Variants in INTS7 observed in about 807,000 individuals in gnomAD.
INTS7 encodes integrator complex subunit 7, also known as chromosome 1 open reading frame 73.
Under a neutral mutation model 109.2 loss-of-function variants are expected in INTS7, and 46 were observed. That is an observed-to-expected ratio of 0.42 (90% CI 0.33 to 0.54). The LOEUF (loss-of-function observed/expected upper bound fraction) is 0.54. INTS7 is among the 20% of genes least tolerant of loss of function. INTS7 has a pLI of 0.07. For synonymous variants in INTS7, 412 were observed against 402.9 expected (o/e 1.02, Z -0.27); for missense variants, 929 against 1,132.4 (o/e 0.82, Z 2.58).
chr1:212,011,291 G>T (rs1000253235), intron 5 of INTS7, 84 bp downstream of exon 5: 1 of 707,568 alleles, frequency 1.4e-6, no homozygotes, highest in Non-Finnish European at 2.4e-6. Flanking sequence ...ATGGTGACTA[G>T]CAAATAATAA....
In INTS7 at chr1:212,004,829, T is replaced by G. The variant is rs182710740; in HGVS notation, c.879+1810A>C. 2.6e-5 allele frequency among the ~76,000 whole-genome samples: 4 copies of G among 152,310 alleles called. No individual in the cohort carries two copies. The East Asian group carries it at 7.7e-4, about 29-fold the overall frequency. On this transcript the variant is annotated intron_variant, in intron 7 of 19. Coordinates refer to ENST00000366994, the MANE Select transcript of INTS7 (RefSeq NM_015434.4). ...AAAAGGTGTTCAATTTCTTTAATAA[T>G]CAAGGAGCTACACATAAAAAGTACA...
rs1447085140 is a variant in INTS7 at position 211,941,660 on chromosome 1, C to T, written c.*164G>A. On this transcript the variant is annotated 3_prime_UTR_variant, in exon 20 of 20. Coordinates refer to ENST00000366994, the MANE Select transcript of INTS7 (RefSeq NM_015434.4). ...TGAGCAACCACGCCCAGCTGTCAGA[C>T]AAAATTTTTAAGAAAACAAAATTTT... 23 of 1,060,080 alleles carry T rather than the reference C, an allele frequency of 2.2e-5. No homozygotes were observed. Among genetic ancestry groups the T allele is most frequent in the Non-Finnish European group, 2.9e-5 (22 of 756,394 alleles). 65.7% of individuals were successfully genotyped at this position (1,060,080 alleles called of 1,614,324 possible). A position where few individuals can be genotyped will look rare whatever the true frequency, so the allele number is the denominator to read the frequency against.
chr1:211,962,752 A>G (rs1178694649), intron 16 of INTS7, among the ~76,000 whole-genome samples: 2 of 152,238 alleles, frequency 1.3e-5, no homozygotes, highest in Non-Finnish European at 1.5e-5. Context: ...TTACATGGAA[A>G]TTAAACAACG....
At chr1:212,020,979 C>G (rs1296801890) in intron 2 of INTS7, 104 bp downstream of exon 2, 3 of 1,053,996 alleles carry the variant, frequency 2.8e-6, no homozygotes, top group African/African-American at 1.6e-5. Flanking sequence ...CTAATGGTAA[C>G]TAACCAGGTG....
Position 212,007,267 on chromosome 1 carries a change from C to T in INTS7, c.739G>A (p.Val247Ile). ...GAAATTACCTGCTTAGGTGTATCAA[C>T]CAAAGATGACGCTGCAAGCAGAGTG... ...TFTLLAASSL[V>I]DTPKQIQLLL... The change falls in exon 6 of 20, where the codon GTT becomes ATT. Residue 247 changes from valine (V) to isoleucine (I), a missense_variant. Around this residue, in one of 2 missense-constraint regions of INTS7, gnomAD observed 787 missense variants for 901.1 expected, o/e 0.87. Transcript: ENST00000366994. 1.2e-6 allele frequency: 2 copies of T among 1,613,656 alleles called. 1 individual carries two copies. The highest frequency in any genetic ancestry group is 4.5e-5 in the East Asian group (2 of 44,872).
At chr1:212,034,458 T>C (rs894824697) in intron 1 of INTS7, among the ~76,000 whole-genome samples, 5 of 152,194 alleles carry the variant, frequency 3.3e-5, no homozygotes, top group Non-Finnish European at 7.3e-5. Context: ...CATTATATAT[T>C]GGCTACGATT....
intron 12 of INTS7, 28 bp downstream of exon 12, chr1:211,976,554 C>A (rs1322427030): frequency 6.3e-7 from 1 of 1,589,382 alleles, no homozygotes; most frequent in East Asian, 2.2e-5. Context: ...TTCCAGCAAC[C>A]CAGTTCACTC....
At chr1:212,024,615 T>C (rs1666843069) in intron 1 of INTS7, among the ~76,000 whole-genome samples, 2 of 152,344 alleles carry the variant, frequency 1.3e-5, no homozygotes, top group Admixed American at 1.3e-4. Context: ...GAAACACATA[T>C]GTTAATCAAC....
intron 1 of INTS7, among the ~76,000 whole-genome samples, chr1:212,021,945 A>G (rs1175797853): frequency 3.3e-5 from 5 of 152,196 alleles, no homozygotes; most frequent in Non-Finnish European, 5.9e-5. Flanking sequence ...AGCACAATCT[A>G]TGGGATGCAA....
At chr1:211,949,325 C>T (rs1020308079) in intron 17 of INTS7, among the ~76,000 whole-genome samples, 1 of 152,146 alleles carries the variant, frequency 6.6e-6, no homozygotes, top group South Asian at 2.1e-4. Context: ...CCAACTGCAA[C>T]GTATTTACTA....
intron 10 of INTS7, among the ~76,000 whole-genome samples, chr1:211,980,859 A>G (rs922150049): frequency 1.3e-5 from 2 of 152,224 alleles, no homozygotes; most frequent in African/African-American, 4.8e-5. Flanking sequence ...ACCACTGGGA[A>G]ATTAATGAAC....
intron 3 of INTS7, among the ~76,000 whole-genome samples, chr1:212,019,615 C>T (rs775666700): frequency 6.6e-6 from 1 of 152,068 alleles, no homozygotes; most frequent in Non-Finnish European, 1.5e-5. Context: ...GGATATAAGG[C>T]TTACAAAATG....
At chr1:211,989,686 G>A (rs1035729937) in intron 7 of INTS7, among the ~76,000 whole-genome samples, 1 of 151,996 alleles carries the variant, frequency 6.6e-6, no homozygotes. Flanking sequence ...GCCGGGTGTG[G>A]TGGTGCACAC....
rs371223684 is a variant in INTS7 at position 211,948,399 on chromosome 1, A to T, written c.2317-1694T>A. Among the ~76,000 whole-genome samples the T allele has an allele frequency of 7.2e-5, 11 of 152,356 alleles. No homozygotes were observed. The East Asian group carries it at 9.6e-4, about 13-fold the overall frequency. Reference sequence around the variant, plus strand: ...TAATTTGGAAAGTATTTGCAGAGACATCCACCTTTGGTGGACCTCTGATGC... The same window carrying T: ...TAATTTGGAAAGTATTTGCAGAGACTTCCACCTTTGGTGGACCTCTGATGC... On this transcript the variant is annotated intron_variant, in intron 17 of 19. Transcript: ENST00000366994.
At chr1:211,978,838 T>C (rs1176682665) in intron 10 of INTS7, among the ~76,000 whole-genome samples, 2 of 152,216 alleles carry the variant, frequency 1.3e-5, no homozygotes, top group Non-Finnish European at 2.9e-5. Context: ...GTATTATCAT[T>C]ACTTTTCAGG....
chr1:211,965,326 G>T (rs983433535), intron 16 of INTS7, among the ~76,000 whole-genome samples: 1 of 152,156 alleles, frequency 6.6e-6, no homozygotes, highest in Non-Finnish European at 1.5e-5. Context: ...CAGAGAAAAG[G>T]GAACCCTTAT....
At chr1:211,981,738 C>T (rs1291970616) in intron 9 of INTS7, among the ~76,000 whole-genome samples, 2 of 152,074 alleles carry the variant, frequency 1.3e-5, no homozygotes, top group Non-Finnish European at 1.5e-5. Flanking sequence ...CTTTTCACTA[C>T]CATAGGGTTA....
intron 7 of INTS7, among the ~76,000 whole-genome samples, chr1:211,994,875 T>G: frequency 1.4e-5 from 1 of 70,458 alleles, no homozygotes; most frequent in Non-Finnish European, 2.7e-5. Flanking sequence ...GAAGAAATAA[T>G]AGTAAGCTGT....
chr1:211,981,219 G>A (rs371968004), intron 9 of INTS7, 29 bp from the exon 10 acceptor site: 53 of 1,417,978 alleles, frequency 3.7e-5, no homozygotes, highest in Non-Finnish European at 5.3e-5. Flanking sequence ...ACTTTATGAT[G>A]GTCAAGTGAT....
Sources: gnomAD v4.1 joint callset for allele counts (sites outside exome capture counted in the v4.1 genomes callset) on GRCh38, gnomAD v4.1.1 for gene constraint, gnomAD v4.1.1 regional missense constraint, MANE v1.5 for transcripts, NCBI Gene and HGNC (gene_info 2026-07-23, HGNC 2026-07-21) for gene names.